Variants in OSBP observed in about 807,000 individuals in gnomAD.
The protein encoded by OSBP is oxysterol binding protein, also known as oxysterol-binding protein 1.
OSBP carries 32 observed loss-of-function variants against 96.6 expected under a neutral mutation model. The observed-to-expected ratio is 0.33, with a 90% CI of 0.25 to 0.45. The LOEUF is 0.45. Among genes scored for constraint, OSBP ranks in the 20% least tolerant of loss-of-function variants. OSBP has a pLI of 1.00. For synonymous variants in OSBP, 369 were observed against 389.6 expected, an observed-to-expected ratio of 0.95 and a Z score of 0.62; for missense variants, 653 against 1,029.7, an observed-to-expected ratio of 0.63 and a Z score of 5.01.
intron 3 of OSBP, among the ~76,000 whole-genome samples, chr11:59,605,752 T>C (rs542868224): frequency 6.6e-6 from 1 of 152,220 alleles, no homozygotes; most frequent in African/African-American, 2.4e-5. Context: ...TCAGGCACTT[T>C]GCCGAGCACT....
chr11:59,580,095 A>G, intron 11 of OSBP, 79 bp downstream of exon 11: 1 of 924,346 alleles, frequency 1.1e-6, no homozygotes, highest in Non-Finnish European at 1.8e-6. Context: ...CCACATGTAT[A>G]TACATTCCAG....
chr11:59,606,389 A>G (rs1468635427), intron 3 of OSBP, among the ~76,000 whole-genome samples: 1 of 152,088 alleles, frequency 6.6e-6, no homozygotes, highest in East Asian at 1.9e-4. Context: ...AGCAACATGA[A>G]TGCAACTGGA....
At chr11:59,611,559 A>G (rs1255407887) in intron 1 of OSBP, among the ~76,000 whole-genome samples, 1 of 152,234 alleles carries the variant, frequency 6.6e-6, no homozygotes, top group African/African-American at 2.4e-5. Context: ...AGAGTATTAA[A>G]TATTGGCTAT....
At chr11:59,593,115 A>C (rs1217253943) in intron 9 of OSBP, among the ~76,000 whole-genome samples, 1 of 152,130 alleles carries the variant, frequency 6.6e-6, no homozygotes, top group Non-Finnish European at 1.5e-5. Flanking sequence ...AGATCTTTTT[A>C]AAATAAAGTT....
chr11:59,585,578 G>T (rs1156637419), intron 9 of OSBP, among the ~76,000 whole-genome samples: 1 of 151,606 alleles, frequency 6.6e-6, no homozygotes, highest in Admixed American at 6.5e-5. Flanking sequence ...CAGCCGCCCC[G>T]TCCGGGAGGT....
chr11:59,596,541 T>C (rs537452915), intron 7 of OSBP, among the ~76,000 whole-genome samples: 2 of 150,048 alleles, frequency 1.3e-5, no homozygotes, highest in South Asian at 4.2e-4. Flanking sequence ...GTATTTAAAG[T>C]AGAAGGAAGC....
At chr11:59,600,746 A>C (rs1237778813) in intron 6 of OSBP, 73 bp downstream of exon 6, 3 of 333,554 alleles carry the variant, frequency 9.0e-6, no homozygotes, top group African/African-American at 4.6e-5. Flanking sequence ...AGCACTTCAC[A>C]AAAAAAAAAA....
At chr11:59,600,972 T>A in intron 5 of OSBP, 99 bp from the exon 6 acceptor site, 1 of 955,880 alleles carries the variant, frequency 1.0e-6, no homozygotes, top group Non-Finnish European at 1.7e-6. Flanking sequence ...GTACACTGTA[T>A]AAACTTATTG....
chr11:59,603,999 A>G (rs1047819293), intron 3 of OSBP, among the ~76,000 whole-genome samples: 3 of 152,150 alleles, frequency 2.0e-5, no homozygotes, highest in African/African-American at 7.2e-5. Flanking sequence ...AAATCTGTAC[A>G]TGTCTTTCCA....
At chr11:59,594,729 A>G (rs1405480948) in intron 7 of OSBP, among the ~76,000 whole-genome samples, 1 of 152,242 alleles carries the variant, frequency 6.6e-6, no homozygotes, top group Non-Finnish European at 1.5e-5. Flanking sequence ...CACCCTGGAC[A>G]AAACAATTGC....
Position 59,615,512 on chromosome 11 carries a change from G to C in OSBP, c.153C>G (p.Val51=). 8.1e-7 allele frequency: 1 copy of C among 1,229,110 alleles called. No homozygotes were observed. The highest frequency in any genetic ancestry group is 1.0e-6 in the Non-Finnish European group (1 of 986,104). 76.1% of individuals were successfully genotyped at this position (1,229,110 alleles called of 1,614,324 possible). ...GGCCCGGGCCTCCCGCCGCCGCCGC[G>C]ACCACCGTCCCTGACGCGGCCCCGG... The part of the protein sequence containing the change: ...PGSGAASGTV[V]AAAAGGPGPG... Residue 51 remains valine (V), a synonymous_variant, in exon 1 of 14, where the codon GTC becomes GTG. Coordinates refer to ENST00000263847, the MANE Select transcript of OSBP (RefSeq NM_002556.3).
intron 3 of OSBP, among the ~76,000 whole-genome samples, chr11:59,605,077 C>T (rs1030008192): frequency 1.3e-5 from 2 of 151,094 alleles, no homozygotes; most frequent in Non-Finnish European, 2.9e-5. Flanking sequence ...TGCTTGAACC[C>T]GGGAGGCGGA....
At chr11:59,601,861 G>C (rs1246731006) in intron 3 of OSBP, 23 bp from the exon 4 acceptor site, 1 of 1,606,760 alleles carries the variant, frequency 6.2e-7, no homozygotes, top group East Asian at 2.2e-5. Flanking sequence ...AGCGTTGACT[G>C]TGTCAGCTCA....
rs974789858 is a variant in OSBP, at chr11:59,615,703, T to C, written c.-39A>G. On this transcript the variant is annotated 5_prime_UTR_variant, in exon 1 of 14. Coordinates refer to ENST00000263847, the MANE Select transcript of OSBP (RefSeq NM_002556.3). ...CTGGAGATACAAGACCGGAACCGCCTACGAGAGCCGCCGTCGCCGCCCGGA... is the reference window on the plus strand; with the variant it reads ...CTGGAGATACAAGACCGGAACCGCCCACGAGAGCCGCCGTCGCCGCCCGGA... 8 of 1,268,018 alleles carry C rather than the reference T, an allele frequency of 6.3e-6. No homozygotes were observed. In the African/African-American group the frequency reaches 9.4e-5, roughly 15 times the overall value. The allele number at this position is 1,268,018 out of a possible 1,614,324, so 78.5% of individuals were successfully genotyped here.
chr11:59,583,343 G>A (rs1860447409), intron 9 of OSBP, among the ~76,000 whole-genome samples: 3 of 151,972 alleles, frequency 2.0e-5, no homozygotes, highest in South Asian at 2.1e-4. Flanking sequence ...AAATAAAGTC[G>A]ATTTCAGTAA....
intron 9 of OSBP, among the ~76,000 whole-genome samples, chr11:59,588,613 G>A (rs1212249169): frequency 6.6e-6 from 1 of 152,056 alleles, no homozygotes; most frequent in African/African-American, 2.4e-5. Context: ...GGAGATGGAG[G>A]GTGGTGATGG....
rs554606290 is a variant in OSBP at position 59,600,122 on chromosome 11, C to CTTTCCA, written c.1311+368_1311+373dup. Among the ~76,000 whole-genome samples, 179 of 152,280 alleles carry CTTTCCA rather than the reference C, an allele frequency of 1.2e-3. 2 individuals carry two copies. Among genetic ancestry groups the CTTTCCA allele is most frequent in the Non-Finnish European group, 1.5e-3 (104 of 68,030 alleles). ...TCCCTAAGCCTTTGTCTGTGTCGTA[C>CTTTCCA]TTTCCATAATACTATCACAGAAAAT... On this transcript the variant is annotated intron_variant, in intron 7 of 13. Coordinates refer to ENST00000263847, the MANE Select transcript of OSBP (RefSeq NM_002556.3).
Position 59,607,178 on chromosome 11 carries a change from C to T in OSBP, c.822+1306G>A, listed in dbSNP as rs994751802. Among the ~76,000 whole-genome samples the T allele has an allele frequency of 6.6e-5, 10 of 152,148 alleles. No individual in the cohort carries two copies. The East Asian group carries it at 1.7e-3, about 26-fold the overall frequency. On this transcript the variant is annotated intron_variant, in intron 3 of 13. Coordinates refer to ENST00000263847, the MANE Select transcript of OSBP (RefSeq NM_002556.3). ...ATTCACTCTCAGGAGACCATTGTGC[C>T]GAGTTGTTTTATTTAAAAAGTATAC...
intron 9 of OSBP, among the ~76,000 whole-genome samples, chr11:59,587,222 TG>T (rs1860510124): frequency 6.6e-6 from 1 of 152,100 alleles, no homozygotes; most frequent in Non-Finnish European, 1.5e-5. Context: ...GAAAGGAGGC[TG>T]GGTACGGCAG....
Sources: gnomAD v4.1 joint callset for allele counts (sites outside exome capture counted in the v4.1 genomes callset) on GRCh38, gnomAD v4.1.1 for gene constraint, MANE v1.5 for transcripts, NCBI Gene and HGNC (gene_info 2026-07-23, HGNC 2026-07-21) for gene names.